Variants in GBE1 observed in about 807,000 individuals in gnomAD.
GBE1 encodes 1,4-alpha-glucan branching enzyme 1, also known as 1,4-alpha-glucan-branching enzyme.
Under a neutral mutation model 88.8 loss-of-function variants are expected in GBE1, and 70 were observed. The observed-to-expected ratio is 0.79, with a 90% CI of 0.65 to 0.96. The LOEUF is 0.96. GBE1 is among the 40% of genes least tolerant of loss of function. The pLI, the probability that GBE1 is intolerant of heterozygous loss-of-function variation, is 0.00. For missense variants in GBE1, 872 were observed against 871.0 expected, an observed-to-expected ratio of 1.00 and a Z score of -0.01; for synonymous variants, 284 against 300.1, an observed-to-expected ratio of 0.95 and a Z score of 0.56.
chr3:81,547,943 T>A (rs1703230003), intron 12 of GBE1, among the ~76,000 whole-genome samples: 1 of 151,354 alleles, frequency 6.6e-6, no homozygotes, highest in African/African-American at 2.4e-5. Context: ...CAAAACTGGA[T>A]GAAGTTCTCC....
At chr3:81,681,037 A>G (rs1701354645) in intron 2 of GBE1, among the ~76,000 whole-genome samples, 1 of 152,246 alleles carries the variant, frequency 6.6e-6, no homozygotes, top group East Asian at 1.9e-4. Flanking sequence ...GAACCTGACT[A>G]TCCTTTCATT....
At chr3:81,678,298 C>T (rs1466266025) in intron 2 of GBE1, among the ~76,000 whole-genome samples, 1 of 152,146 alleles carries the variant, frequency 6.6e-6, no homozygotes, top group Non-Finnish European at 1.5e-5. Context: ...TATGGGACCA[C>T]CTTTGTACAC....
At chr3:81,747,118 G>C (rs1387878552) in intron 1 of GBE1, among the ~76,000 whole-genome samples, 2 of 151,786 alleles carry the variant, frequency 1.3e-5, no homozygotes, top group African/African-American at 4.8e-5. Flanking sequence ...AATGTAATAT[G>C]TAAAACAACA....
At chr3:81,501,214 G>C (rs954040656) in intron 14 of GBE1, among the ~76,000 whole-genome samples, 1 of 152,172 alleles carries the variant, frequency 6.6e-6, no homozygotes, top group African/African-American at 2.4e-5. Context: ...AGCTTGTGCC[G>C]GGGGCAGTAA....
intron 7 of GBE1, among the ~76,000 whole-genome samples, chr3:81,600,883 G>C (rs1407982361): frequency 6.6e-6 from 1 of 151,950 alleles, no homozygotes; most frequent in Non-Finnish European, 1.5e-5. Flanking sequence ...GAGGCACCTA[G>C]TTCTTCAAAA....
intron 7 of GBE1, among the ~76,000 whole-genome samples, chr3:81,640,994 T>C (rs1395101673): frequency 6.6e-6 from 1 of 152,126 alleles, no homozygotes; most frequent in Non-Finnish European, 1.5e-5. Flanking sequence ...GAAATGTTTT[T>C]GAAAACAATG....
intron 7 of GBE1, chr3:81,612,803 CT>C: frequency 2.3e-6 from 1 of 430,412 alleles, no homozygotes; most frequent in Middle Eastern, 8.7e-4. Flanking sequence ...CAGAGAGCTT[CT>C]TTACCTGATT....
At chr3:81,581,840 CT>C (rs1191854891) in intron 10 of GBE1, among the ~76,000 whole-genome samples, 1 of 152,066 alleles carries the variant, frequency 6.6e-6, no homozygotes, top group Non-Finnish European at 1.5e-5. Context: ...CTCTGTCCCT[CT>C]AACACTATAC....
At chr3:81,739,047 T>G (rs750083504) in intron 1 of GBE1, among the ~76,000 whole-genome samples, 4 of 152,138 alleles carry the variant, frequency 2.6e-5, no homozygotes, top group Non-Finnish European at 4.4e-5. Context: ...GTGGAAAAGG[T>G]AAATGAGCTT....
At chr3:81,739,998 G>A (rs1432993466) in intron 1 of GBE1, among the ~76,000 whole-genome samples, 1 of 152,080 alleles carries the variant, frequency 6.6e-6, no homozygotes, top group African/African-American at 2.4e-5. Flanking sequence ...GCCAAGGCAG[G>A]AGAATCACCT....
Position 81,513,208 on chromosome 3 carries a change from C to A in GBE1, c.1935-13981G>T, listed in dbSNP as rs1407345810. Among the ~76,000 whole-genome samples, 3 of 151,052 alleles carry A rather than the reference C, an allele frequency of 2.0e-5. No individual in the cohort carries two copies. In the East Asian group the frequency reaches 5.8e-4, roughly 29 times the overall value. ...GAAAAATGAATAAATGGATTTAGAT[C>A]TTAAAAAAGATAACATGAAGAATAG... On this transcript the variant is annotated intron_variant, in intron 14 of 15. Coordinates refer to ENST00000429644, the MANE Select transcript of GBE1 (RefSeq NM_000158.4).
chr3:81,693,702 C>A (rs1705553480), intron 2 of GBE1, among the ~76,000 whole-genome samples: 1 of 152,040 alleles, frequency 6.6e-6, no homozygotes. Context: ...TTCATATAGT[C>A]TTCTAATATC....
chr3:81,547,550 C>A (rs1576143421), intron 12 of GBE1, among the ~76,000 whole-genome samples: 3 of 150,822 alleles, frequency 2.0e-5, no homozygotes, highest in Admixed American at 2.0e-4. Flanking sequence ...CCACTCAGGG[C>A]AAGGGAACCC....
chr3:81,612,588 T>G, intron 7 of GBE1: 2 of 659,804 alleles, frequency 3.0e-6, no homozygotes, highest in Admixed American at 3.7e-5. Context: ...TTTGGGATGT[T>G]GGCGATCAGT....
At chr3:81,594,985 T>C (rs956589849) in intron 7 of GBE1, among the ~76,000 whole-genome samples, 2 of 151,826 alleles carry the variant, frequency 1.3e-5, no homozygotes, top group Non-Finnish European at 2.9e-5. Context: ...TTCCATATAT[T>C]AAAGAATAAT....
intron 7 of GBE1, among the ~76,000 whole-genome samples, chr3:81,595,428 A>C (rs773717690): frequency 1.3e-5 from 2 of 151,906 alleles, no homozygotes; most frequent in Non-Finnish European, 2.9e-5. Flanking sequence ...TTAGATTCAC[A>C]GAAAAATTGA....
chr3:81,710,522 G>A (rs1011443318), intron 1 of GBE1, among the ~76,000 whole-genome samples: 2 of 151,732 alleles, frequency 1.3e-5, no homozygotes, highest in Non-Finnish European at 2.9e-5. Flanking sequence ...AATAGTCCAC[G>A]TTCAAATCCT....
At chr3:81,595,352 T>C (rs901976319) in intron 7 of GBE1, among the ~76,000 whole-genome samples, 16 of 151,846 alleles carry the variant, frequency 1.1e-4, no homozygotes, top group African/African-American at 3.6e-4. Context: ...CTATTTTGCA[T>C]AGGAATTTTC....
At chr3:81,585,902 C>A (rs1703797349) in intron 10 of GBE1, among the ~76,000 whole-genome samples, 190 bp downstream of exon 10, 1 of 152,156 alleles carries the variant, frequency 6.6e-6, no homozygotes, top group South Asian at 2.1e-4. Flanking sequence ...CGTATGAATA[C>A]TTTAAATCAG....
Sources: allele counts gnomAD v4.1 joint callset (sites outside exome capture counted in the v4.1 genomes callset), GRCh38; gene constraint gnomAD v4.1.1; transcripts MANE v1.5; gene names NCBI Gene and HGNC (gene_info 2026-07-23, HGNC 2026-07-21).